Variants in COQ3 observed in about 807,000 individuals in gnomAD.
The protein encoded by COQ3 is coenzyme Q3, methyltransferase.
In COQ3, 29 loss-of-function variants were observed where a neutral mutation model predicts 33.1. The observed-to-expected ratio is 0.88, with a 90% CI of 0.65 to 1.19. The LOEUF is 1.19. Ranked by LOEUF, COQ3 falls within the 50% of genes most tolerant of loss-of-function variation. The probability of loss-of-function intolerance (pLI) is 0.00; values close to 1 mark genes in which losing one functional copy is unlikely to be tolerated. For synonymous variants in COQ3, 173 were observed against 157.8 expected, an observed-to-expected ratio of 1.10 and a Z score of -0.72; for missense variants, 437 against 430.7, an observed-to-expected ratio of 1.01 and a Z score of -0.13.
intron 1 of COQ3, among the ~76,000 whole-genome samples, chr6:99,393,594 T>C (rs991095368): frequency 6.6e-6 from 1 of 152,212 alleles, no homozygotes; most frequent in African/African-American, 2.4e-5. Context: ...ATTTTCTTGA[T>C]CTCATTTGCA....
intron 1 of COQ3, among the ~76,000 whole-genome samples, chr6:99,390,107 C>T (rs558424363): frequency 7.9e-5 from 12 of 152,220 alleles, no homozygotes; most frequent in African/African-American, 2.4e-4. Flanking sequence ...AGTGAGACTC[C>T]GTCTCAAAAC....
At chr6:99,378,895 A>T (rs957482375) in intron 3 of COQ3, among the ~76,000 whole-genome samples, 3 of 152,084 alleles carry the variant, frequency 2.0e-5, no homozygotes, top group Non-Finnish European at 2.9e-5. Context: ...GCTTTGCCCA[A>T]AATTGTTTGA....
chr6:99,384,607 T>C (rs1197866592), intron 1 of COQ3, among the ~76,000 whole-genome samples: 1 of 152,102 alleles, frequency 6.6e-6, no homozygotes, highest in South Asian at 2.1e-4. Flanking sequence ...TGTGTATATA[T>C]AAAACCTAAA....
At chr6:99,384,293 A>T (rs1774555278) in intron 1 of COQ3, among the ~76,000 whole-genome samples, 1 of 152,226 alleles carries the variant, frequency 6.6e-6, no homozygotes, top group African/African-American at 2.4e-5. Flanking sequence ...AAAAAATAAA[A>T]TAAAATAAAG....
chr6:99,391,098 T>TATTTATTGATTG (rs1554209266), intron 1 of COQ3, among the ~76,000 whole-genome samples: 37 of 133,648 alleles, frequency 2.8e-4, no homozygotes, highest in African/African-American at 8.1e-4. Context: ...TTTATTTATT[T>TATTTATTGATTG]ATTTATTTAT....
At chr6:99,369,890 G>T in intron 6 of COQ3, 70 bp from the exon 7 acceptor site, 2 of 1,017,150 alleles carry the variant, frequency 2.0e-6, no homozygotes, top group Non-Finnish European at 2.9e-6. Flanking sequence ...AGAGTTTCAT[G>T]CAACTTTCTA....
chr6:99,394,027 G>T (rs754934058), intron 1 of COQ3, 47 bp downstream of exon 1: 1 of 1,518,438 alleles, frequency 6.6e-7, no homozygotes, highest in Non-Finnish European at 9.1e-7. Context: ...AGAGACGCCA[G>T]CGCTCGCAAT....
Position 99,371,824 on chromosome 6 carries a change from A to T in COQ3, c.730-237T>A, listed in dbSNP as rs190831356. On this transcript the variant is annotated intron_variant, in intron 5 of 6. Transcript: ENST00000254759. ...ATATACAACAGTGCTTACAACTCTTAAGATCATATATAATTATGATTTATA... is the reference window on the plus strand; with the variant it reads ...ATATACAACAGTGCTTACAACTCTTTAGATCATATATAATTATGATTTATA... Among the ~76,000 whole-genome samples the T allele has an allele frequency of 2.0e-5, 3 of 152,304 alleles. No individual in the cohort carries two copies. In the East Asian group the frequency reaches 5.8e-4, roughly 29 times the overall value.
At chr6:99,379,121 C>T (rs111509387) in intron 3 of COQ3, among the ~76,000 whole-genome samples, 19,068 of 151,698 alleles carry the variant, frequency 0.13, 1,685 homozygotes, top group Non-Finnish European at 0.18. Flanking sequence ...CCCATTAACT[C>T]GTCATTTAGC....
chr6:99,394,059 C>G lies in COQ3; in HGVS notation c.106+15G>C, dbSNP rs765438013. On this transcript the variant is annotated intron_variant, in intron 1 of 6. Coordinates refer to ENST00000254759, the MANE Select transcript of COQ3 (RefSeq NM_017421.4). ...CAATTGACTGCATGCGAAGGACCTCCGCACACACACTCACCCGCCGAGGAA... is the reference window on the plus strand; with the variant it reads ...CAATTGACTGCATGCGAAGGACCTCGGCACACACACTCACCCGCCGAGGAA... The G allele has an allele frequency of 1.3e-5, 21 of 1,603,384 alleles. No individual in the cohort carries two copies. The highest frequency in any genetic ancestry group is 2.2e-5 in the East Asian group (1 of 44,816).
intron 5 of COQ3, among the ~76,000 whole-genome samples, chr6:99,375,440 G>C (rs1445740910): frequency 6.7e-6 from 1 of 149,406 alleles, no homozygotes; most frequent in Non-Finnish European, 1.5e-5. Flanking sequence ...CTGGAGTGCA[G>C]TGACACGATC....
At chr6:99,374,340 C>A (rs916158043) in intron 5 of COQ3, among the ~76,000 whole-genome samples, 1 of 152,142 alleles carries the variant, frequency 6.6e-6, no homozygotes. Flanking sequence ...CTGAGAGGGG[C>A]TGTCACCTGC....
chr6:99,382,614 C>G (rs1774504662), intron 2 of COQ3, among the ~76,000 whole-genome samples: 1 of 151,934 alleles, frequency 6.6e-6, no homozygotes, highest in East Asian at 1.9e-4. Context: ...TCATATAAAC[C>G]CAAACTCAAA....
intron 1 of COQ3, among the ~76,000 whole-genome samples, chr6:99,393,262 T>G (rs1303749821): frequency 6.6e-6 from 1 of 152,144 alleles, no homozygotes; most frequent in Non-Finnish European, 1.5e-5. Flanking sequence ...TCTTACTACT[T>G]TTCCATGTGG....
At chr6:99,372,103 A>G (rs1368366417) in intron 5 of COQ3, among the ~76,000 whole-genome samples, 1 of 152,144 alleles carries the variant, frequency 6.6e-6, no homozygotes, top group Non-Finnish European at 1.5e-5. Context: ...TTTCATTTTT[A>G]TAAAAAATAT....
Position 99,380,342 on chromosome 6 carries a change from C to G in COQ3, c.234-1G>C. 6.2e-7 allele frequency: 1 copy of G among 1,612,478 alleles called. No homozygotes were observed. Among genetic ancestry groups the G allele is most frequent in the Non-Finnish European group, 8.5e-7 (1 of 1,179,244 alleles). ...ACTGTACAGTCTCGCCCAAGGGTAC[C>G]TAAAAGGTGAAAATGAAGAACCAAG... On this transcript the variant is annotated splice_acceptor_variant, in intron 2 of 6. Coordinates refer to ENST00000254759, the MANE Select transcript of COQ3 (RefSeq NM_017421.4). LOFTEE classifies it high-confidence loss of function.
chr6:99,369,593 A>G lies in COQ3; in HGVS notation c.*7T>C, dbSNP rs372090667. ...CAAGCCATATTACTATAGTTCTCAG[A>G]AACAATTCATTTCTTCAGCTTTTCA... On this transcript the variant is annotated 3_prime_UTR_variant, in exon 7 of 7. Coordinates refer to ENST00000254759, the MANE Select transcript of COQ3 (RefSeq NM_017421.4). The G allele has an allele frequency of 6.2e-7, 1 of 1,601,490 alleles. No homozygotes were observed. The highest frequency in any genetic ancestry group is 1.3e-5 in the African/African-American group (1 of 74,612).
chr6:99,387,858 G>A (rs1036886740), intron 1 of COQ3, among the ~76,000 whole-genome samples: 1 of 152,124 alleles, frequency 6.6e-6, no homozygotes, highest in Non-Finnish European at 1.5e-5. Flanking sequence ...GAAATAATAA[G>A]TGAATTCAGA....
intron 1 of COQ3, among the ~76,000 whole-genome samples, chr6:99,391,098 T>TATTGATTGATTG (rs71702666): frequency 1.5e-5 from 2 of 133,648 alleles, no homozygotes; most frequent in Non-Finnish European, 3.5e-5. Flanking sequence ...TTTATTTATT[T>TATTGATTGATTG]ATTTATTTAT....
Sources: allele counts gnomAD v4.1 joint callset (sites outside exome capture counted in the v4.1 genomes callset), GRCh38; gene constraint gnomAD v4.1.1; transcripts MANE v1.5; gene names NCBI Gene and HGNC (gene_info 2026-07-23, HGNC 2026-07-21).